JAM2: variants seen among roughly 807,000 people sequenced by gnomAD.
The protein encoded by JAM2 is junctional adhesion molecule 2, also known as junctional adhesion molecule B.
JAM2 carries 17 observed loss-of-function variants against 42.0 expected under a neutral mutation model. That is an observed-to-expected ratio of 0.40 (90% CI 0.28 to 0.61). JAM2 has a LOEUF of 0.61. Ranked by LOEUF, JAM2 falls within the 20% of genes least tolerant of loss-of-function variation. The pLI, the probability that JAM2 is intolerant of heterozygous loss-of-function variation, is 0.37. For synonymous variants in JAM2, 118 were observed against 128.6 expected, an observed-to-expected ratio of 0.92 and a Z score of 0.56; for missense variants, 319 against 358.3, an observed-to-expected ratio of 0.89 and a Z score of 0.89.
intron 7 of JAM2, among the ~76,000 whole-genome samples, chr21:25,708,505 C>A (rs2034317086): frequency 6.6e-6 from 1 of 152,186 alleles, no homozygotes; most frequent in Non-Finnish European, 1.5e-5. Flanking sequence ...AAGGTCGAGG[C>A]TGCAGTGAGT....
At chr21:25,691,685 AC>A (rs1307344842) in intron 3 of JAM2, among the ~76,000 whole-genome samples, 3 of 152,182 alleles carry the variant, frequency 2.0e-5, no homozygotes, top group Non-Finnish European at 4.4e-5. Flanking sequence ...GAATATTTTT[AC>A]AAGGGAACTA....
chr21:25,695,217 C>G (rs377516752), intron 4 of JAM2, among the ~76,000 whole-genome samples: 2,805 of 152,252 alleles, frequency 0.018, 93 homozygotes, highest in African/African-American at 0.062. Context: ...ATCTGTTTAA[C>G]AAAGCACATC....
chr21:25,639,868 A>C lies in JAM2; in HGVS notation c.47A>C (p.Tyr16Ser), dbSNP rs973422349. 3 of 1,594,028 alleles carry C rather than the reference A, an allele frequency of 1.9e-6. No homozygotes were observed. Among genetic ancestry groups the C allele is most frequent in the Non-Finnish European group, 2.6e-6 (3 of 1,171,622 alleles). Residue 16 changes from tyrosine to serine, a missense_variant, in exon 1 of 10, where the codon TAC (tyrosine) becomes TCC (serine). Tyr to Ser is a moderately radical substitution (Grantham distance 144). Coordinates refer to ENST00000480456, the MANE Select transcript of JAM2 (RefSeq NM_021219.4). ...RHRLLLLLLRYLVVALGYHKA... is the reference protein window; with the variant it reads ...RHRLLLLLLRSLVVALGYHKA... ...CGCCTCCTCCTGCTGCTGCTGCGCT[A>C]CCTGGTGGTCGCCCTGGGCTGTAAG...
Position 25,683,885 on chromosome 21 carries a change from C to A in JAM2, c.70C>A (p.His24Asn), listed in dbSNP as rs1195762490. Residue 24 changes from histidine to asparagine, a missense_variant and splice_region_variant, in exon 2 of 10, where the codon CAT (histidine) becomes AAT (asparagine). Physicochemically the swap from His to Asn is moderately conservative, Grantham distance 68 (BLOSUM62 1). Transcript: ENST00000480456. ...TCCTATCTGTTTTAATCTTTCAGAT[C>A]ATAAGGCCTATGGGTTTTCTGCCCC... ...LRYLVVALGYHKAYGFSAPKD... is the reference protein window; with the variant it reads ...LRYLVVALGYNKAYGFSAPKD... The A allele has an allele frequency of 1.3e-6, 2 of 1,598,622 alleles. No individual in the cohort carries two copies. The highest frequency in any genetic ancestry group is 2.7e-5 in the African/African-American group (2 of 74,546).
rs370187720 is a variant in JAM2 at position 25,706,038 on chromosome 21, G to A, written c.757G>A (p.Val253Ile). Residue 253 changes from valine (V) to isoleucine (I), a missense_variant, in exon 7 of 10, where the codon GTT becomes ATT. By Grantham distance (29) the Val-to-Ile change is conservative. Transcript: ENST00000480456. ...AVVVVALVIS[V>I]CGLGVCYAQR... The stretch of plus-strand genomic sequence containing the variant: ...AGTAGTTGTGGCCTTAGTGATTTCC[G>A]TTTGTGGCCTTGGTGTATGCTATGC... 4.0e-5 allele frequency: 65 copies of A among 1,613,860 alleles called. No homozygotes were observed. The African/African-American group carries it at 7.5e-4, about 19-fold the overall frequency.
intron 1 of JAM2, among the ~76,000 whole-genome samples, chr21:25,664,820 G>A (rs2409147): frequency 0.4 from 60,512 of 152,022 alleles, 13,956 homozygotes; most frequent in East Asian, 0.63. Context: ...TTTATACAAT[G>A]GAGAACTTTG....
intron 4 of JAM2, among the ~76,000 whole-genome samples, chr21:25,696,404 G>A (rs1460868328): frequency 6.6e-6 from 1 of 152,150 alleles, no homozygotes; most frequent in Admixed American, 6.5e-5. Flanking sequence ...GAGGGAGGGA[G>A]AGGGAGGAGG....
intron 4 of JAM2, 88 bp from the exon 5 acceptor site, chr21:25,698,589 T>A: frequency 8.9e-7 from 1 of 1,122,632 alleles, no homozygotes; most frequent in Non-Finnish European, 1.3e-6. Flanking sequence ...AACCATTGAT[T>A]GTAGAGACAA....
At chr21:25,687,351 T>C (rs2033772793) in intron 2 of JAM2, among the ~76,000 whole-genome samples, 1 of 152,216 alleles carries the variant, frequency 6.6e-6, no homozygotes, top group African/African-American at 2.4e-5. Context: ...AAAAAAGTAA[T>C]TCTCCCAATA....
In JAM2 at chr21:25,707,279, C is replaced by T. The variant is rs551291176; in HGVS notation, c.805+1193C>T. Among the ~76,000 whole-genome samples, 5 of 151,918 alleles carry T rather than the reference C, an allele frequency of 3.3e-5. No homozygotes were observed. In the East Asian group the frequency reaches 9.7e-4, roughly 29 times the overall value. ...GGAGGATTACTTGAGGTCAGGAGTT[C>T]GAGACCAGCCTGGCCAACATGGTGA... is the stretch of plus-strand genomic sequence containing the variant. On this transcript the variant is annotated intron_variant, in intron 7 of 9. Coordinates refer to ENST00000480456, the MANE Select transcript of JAM2 (RefSeq NM_021219.4).
intron 1 of JAM2, among the ~76,000 whole-genome samples, chr21:25,643,009 G>T (rs2032489700): frequency 6.6e-6 from 1 of 152,182 alleles, no homozygotes; most frequent in South Asian, 2.1e-4. Flanking sequence ...CAGCTCTGAG[G>T]TCTCTTTGTA....
At chr21:25,643,843 G>A (rs1231559014) in intron 1 of JAM2, 1 of 152,176 alleles carries the variant, frequency 6.6e-6, no homozygotes, top group Non-Finnish European at 1.5e-5. Context: ...GAGCCCACAG[G>A]AGCTTACGGA....
intron 1 of JAM2, among the ~76,000 whole-genome samples, chr21:25,649,193 C>T (rs2032699454): frequency 1.3e-5 from 2 of 152,200 alleles, no homozygotes; most frequent in Admixed American, 6.5e-5. Flanking sequence ...GTTGCTTAAT[C>T]TAGACTAGAA....
chr21:25,678,559 T>C (rs1373446153), intron 1 of JAM2, among the ~76,000 whole-genome samples: 3 of 152,228 alleles, frequency 2.0e-5, no homozygotes, highest in Admixed American at 2.0e-4. Context: ...AAGAGTTCTT[T>C]TGAAATGACT....
chr21:25,706,029 G>A lies in JAM2; in HGVS notation c.748G>A (p.Val250Met), dbSNP rs757506037. The change falls in exon 7 of 10, where the codon GTG (valine) becomes ATG (methionine). Residue 250 changes from valine to methionine, a missense_variant. Coordinates refer to ENST00000480456, the MANE Select transcript of JAM2 (RefSeq NM_021219.4). ...IIAAVVVVALVISVCGLGVCY... is the reference protein window; with the variant it reads ...IIAAVVVVALMISVCGLGVCY... Reference sequence around the variant, plus strand: ...AGCAGCCGTAGTAGTTGTGGCCTTAGTGATTTCCGTTTGTGGCCTTGGTGT... The same window carrying A: ...AGCAGCCGTAGTAGTTGTGGCCTTAATGATTTCCGTTTGTGGCCTTGGTGT... 2 of 1,614,038 alleles carry A rather than the reference G, an allele frequency of 1.2e-6. No homozygotes were observed. Among genetic ancestry groups the A allele is most frequent in the South Asian group, 2.2e-5 (2 of 91,086 alleles).
Position 25,716,067 on chromosome 21 carries a change from A to ACCTCCGCCTCC in JAM2, c.*1408_*1418dup, listed in dbSNP as rs752133295. The stretch of plus-strand genomic sequence containing the variant: ...AGTGGCACAATCTTGGCTCACTGCA[A>ACCTCCGCCTCC]CCTCCGCCTCCCCTCCGCCTCCCAG... On this transcript the variant is annotated 3_prime_UTR_variant, in exon 10 of 10. Transcript: ENST00000480456. 1 of 148,238 alleles carries ACCTCCGCCTCC rather than the reference A, an allele frequency of 6.7e-6. No individual in the cohort carries two copies. Among genetic ancestry groups the ACCTCCGCCTCC allele is most frequent in the Non-Finnish European group, 1.5e-5 (1 of 67,560 alleles). 9.2% of individuals were successfully genotyped at this position (148,238 alleles called of 1,614,324 possible).
intron 1 of JAM2, among the ~76,000 whole-genome samples, chr21:25,665,236 G>T (rs1039563962): frequency 6.6e-6 from 1 of 152,186 alleles, no homozygotes; most frequent in African/African-American, 2.4e-5. Flanking sequence ...CATCTCCTTT[G>T]TCCTTGACAT....
intron 1 of JAM2, among the ~76,000 whole-genome samples, chr21:25,640,839 CTCTT>C (rs1408808057): frequency 2.0e-5 from 3 of 150,562 alleles, no homozygotes; most frequent in Non-Finnish European, 3.0e-5. Context: ...CTTTCTGTCT[CTCTT>C]TCTTTCTTTT....
intron 2 of JAM2, among the ~76,000 whole-genome samples, chr21:25,685,524 CAAAAAAAA>C (rs776114627): frequency 7.9e-5 from 4 of 50,420 alleles, no homozygotes; most frequent in African/African-American, 2.7e-4. Flanking sequence ...GAGAATGTCT[CAAAAAAAA>C]AAAAAAAAAA....
Sources: allele counts gnomAD v4.1 joint callset (sites outside exome capture counted in the v4.1 genomes callset), GRCh38; gene constraint gnomAD v4.1.1; transcripts MANE v1.5; gene names NCBI Gene and HGNC (gene_info 2026-07-23, HGNC 2026-07-21).